TMEM182: variants seen among roughly 807,000 people sequenced by gnomAD.
TMEM182 encodes transmembrane protein 182.
In TMEM182, 20 loss-of-function variants were observed where a neutral mutation model predicts 26.8. That is an observed-to-expected ratio of 0.75 (90% CI 0.53 to 1.09). TMEM182 has a LOEUF of 1.09. Ranked by LOEUF, TMEM182 falls within the 50% of genes least tolerant of loss-of-function variation. The probability of loss-of-function intolerance (pLI) is 0.00; values close to 1 mark genes in which losing one functional copy is unlikely to be tolerated. For synonymous variants in TMEM182, 109 were observed against 102.2 expected (o/e 1.07, Z -0.40); for missense variants, 277 against 275.5 (o/e 1.01, Z -0.04).
chr2:102,786,421 G>T (rs1010362526), intron 3 of TMEM182, among the ~76,000 whole-genome samples: 2 of 151,986 alleles, frequency 1.3e-5, no homozygotes, highest in Non-Finnish European at 2.9e-5. Context: ...CACCATCTTG[G>T]TCAGGCTGGT....
rs1682783514 is a variant in TMEM182, at chr2:102,817,116, A to C, written c.*2148A>C. The stretch of plus-strand genomic sequence containing the variant: ...GCAACCCTCTGAAGGAATGAAGGAG[A>C]GTTGTGATTGCTATGTCAATGAGTG... On this transcript the variant is annotated 3_prime_UTR_variant, in exon 5 of 5. Coordinates refer to ENST00000412401, the MANE Select transcript of TMEM182 (RefSeq NM_144632.5). 1 of 985,272 alleles carries C rather than the reference A, an allele frequency of 1.0e-6. No individual in the cohort carries two copies. The highest frequency in any genetic ancestry group is 1.7e-5 in the African/African-American group (1 of 57,230). 61.0% of individuals were successfully genotyped at this position (985,272 alleles called of 1,614,324 possible). A position where few individuals can be genotyped will look rare whatever the true frequency, so the allele number is the denominator to read the frequency against.
intron 1 of TMEM182, among the ~76,000 whole-genome samples, chr2:102,752,405 A>G (rs1396254108): frequency 1.3e-5 from 2 of 152,234 alleles, no homozygotes; most frequent in African/African-American, 2.4e-5. Flanking sequence ...CCCATACCAC[A>G]TATGTATAAT....
At chr2:102,814,613 G>T in intron 4 of TMEM182, 135 bp from the exon 5 acceptor site, 1 of 710,496 alleles carries the variant, frequency 1.4e-6, no homozygotes, top group Non-Finnish European at 2.3e-6. Context: ...ATAATAAAAG[G>T]TCTGACGTAG....
intron 1 of TMEM182, among the ~76,000 whole-genome samples, chr2:102,740,857 A>G (rs1315211373): frequency 1.3e-5 from 2 of 152,230 alleles, no homozygotes; most frequent in African/African-American, 4.8e-5. Flanking sequence ...TGGTATAGCC[A>G]TACAATTCAG....
At chr2:102,762,541 ATATTTCTTGTATTGATGGCAAGT>A (rs1558757389) in intron 1 of TMEM182, 23 bp from the exon 2 acceptor site, 2 of 1,578,404 alleles carry the variant, frequency 1.3e-6, no homozygotes, top group Admixed American at 1.8e-5. Context: ...GATTTTGATT[ATATTTCTTGTATTGATGGCAAGT>A]TACTTCATTT....
intron 4 of TMEM182, 89 bp from the exon 5 acceptor site, chr2:102,814,659 C>G: frequency 8.6e-7 from 1 of 1,166,606 alleles, no homozygotes; most frequent in Non-Finnish European, 1.2e-6. Flanking sequence ...TTTGCAGGAG[C>G]TTGTCATCCG....
At chr2:102,765,884 T>G (rs951002620) in intron 3 of TMEM182, among the ~76,000 whole-genome samples, 1 of 152,288 alleles carries the variant, frequency 6.6e-6, no homozygotes. Flanking sequence ...TGTCAAAACC[T>G]TTGTGTCATG....
intron 3 of TMEM182, among the ~76,000 whole-genome samples, chr2:102,783,557 C>T (rs1681260775): frequency 6.6e-6 from 1 of 152,148 alleles, no homozygotes; most frequent in Non-Finnish European, 1.5e-5. Context: ...TAGCTCCATC[C>T]CTAGAAGAGC....
At chr2:102,796,537 G>A (rs76660771) in intron 3 of TMEM182, among the ~76,000 whole-genome samples, 4,338 of 152,278 alleles carry the variant, frequency 0.028, 213 homozygotes, top group African/African-American at 0.099. Flanking sequence ...GACAAGGACA[G>A]CAAATATTTG....
Position 102,796,324 on chromosome 2 carries a change from C to T in TMEM182, c.332-1539C>T, listed in dbSNP as rs1443420508. Among the ~76,000 whole-genome samples, 3 of 152,314 alleles carry T rather than the reference C, an allele frequency of 2.0e-5. No homozygotes were observed. In the East Asian group the frequency reaches 5.8e-4, roughly 29 times the overall value. ...TTTCAGTCCTTATATGGTTGCTTGT[C>T]ATACTTACCTAGTTTTAGTTGTGAT... On this transcript the variant is annotated intron_variant, in intron 3 of 4. Transcript: ENST00000412401.
At position 102,762,323 on chromosome 2, in the gene TMEM182, G is replaced by A. The variant is rs754953967; in HGVS notation, c.106G>A (p.Val36Met). Residue 36 changes from valine to methionine, a missense_variant, in exon 1 of 5, where the codon GTG becomes ATG. Coordinates refer to ENST00000412401, the MANE Select transcript of TMEM182 (RefSeq NM_144632.5). ...GSDYWLLATE[V>M]GRCSGEKNIE... Reference sequence around the variant, plus strand: ...GGATTATTGGCTTCTTGCAACTGAAGTGGGGAGATGTTCAGGTGAAAAGAA... The same window carrying A: ...GGATTATTGGCTTCTTGCAACTGAAATGGGGAGATGTTCAGGTGAAAAGAA... 12 of 1,613,980 alleles carry A rather than the reference G, an allele frequency of 7.4e-6. No homozygotes were observed. The highest frequency in any genetic ancestry group is 3.4e-6 in the Non-Finnish European group (4 of 1,179,924).
chr2:102,758,545 T>C (rs2104649834), upstream of TMEM182: 3 of 713,616 alleles, frequency 4.2e-6, no homozygotes, highest in East Asian at 8.1e-5. Context: ...TGAAAACATC[T>C]GTACAGGAAA....
At chr2:102,824,401 A>T (rs1483024766) in intron 3 of TMEM182, among the ~76,000 whole-genome samples, 1 of 152,128 alleles carries the variant, frequency 6.6e-6, no homozygotes, top group Admixed American at 6.5e-5. Flanking sequence ...GTCTGGTGGG[A>T]GGTGTTTGGA....
At chr2:102,819,394 G>A (rs1002223661), downstream of TMEM182, among the ~76,000 whole-genome samples, 7 of 152,122 alleles carry the variant, frequency 4.6e-5, no homozygotes, top group East Asian at 1.2e-3. Flanking sequence ...AAATTCAAGG[G>A]AAATTTTTCT....
rs570189758 is a variant in TMEM182 at position 102,792,967 on chromosome 2, C to A, written c.332-4896C>A. 5.1e-4 allele frequency among the ~76,000 whole-genome samples: 78 copies of A among 152,294 alleles called. No individual in the cohort carries two copies. In the South Asian group the frequency reaches 0.016, roughly 30 times the overall value. On this transcript the variant is annotated intron_variant, in intron 3 of 4. Coordinates refer to ENST00000412401, the MANE Select transcript of TMEM182 (RefSeq NM_144632.5). ...TCTTCCTCTGCTTCATCGTGTGTCT[C>A]CTCCCTTTCTTGCATCCCCTCCACT...
At chr2:102,838,942 A>C (rs189597644) in intron 3 of TMEM182, among the ~76,000 whole-genome samples, 6 of 152,326 alleles carry the variant, frequency 3.9e-5, no homozygotes, top group Admixed American at 1.3e-4. Context: ...CATCTTCGCC[A>C]AGGTTGTACA....
At chr2:102,825,279 G>A (rs544158956) in intron 3 of TMEM182, among the ~76,000 whole-genome samples, 4 of 152,114 alleles carry the variant, frequency 2.6e-5, no homozygotes, top group Non-Finnish European at 5.9e-5. Flanking sequence ...AATTCAAAAA[G>A]GACAAAGGAA....
At chr2:102,782,882 CTT>C (rs1419229187) in intron 3 of TMEM182, among the ~76,000 whole-genome samples, 1 of 152,048 alleles carries the variant, frequency 6.6e-6, no homozygotes, top group Non-Finnish European at 1.5e-5. Flanking sequence ...ATTACAGTGA[CTT>C]TTAAGTGTTA....
chr2:102,754,475 A>G (rs1679974577), intron 1 of TMEM182, among the ~76,000 whole-genome samples: 1 of 151,820 alleles, frequency 6.6e-6, no homozygotes, highest in Non-Finnish European at 1.5e-5. Flanking sequence ...ATACTATCCT[A>G]TGAAAAAAAG....
Sources: gnomAD v4.1 joint callset for allele counts (sites outside exome capture counted in the v4.1 genomes callset) on GRCh38, gnomAD v4.1.1 for gene constraint, MANE v1.5 for transcripts, NCBI Gene and HGNC (gene_info 2026-07-23, HGNC 2026-07-21) for gene names.